Variants in GPC3 observed in about 807,000 individuals in gnomAD.
GPC3 encodes glypican 3.
A neutral mutation model predicts 34.4 loss-of-function variants in GPC3; 3 were observed. That is an observed-to-expected ratio of 0.09 (90% CI 0.04 to 0.23). GPC3 has a LOEUF of 0.23. Ranked by LOEUF, GPC3 falls within the 10% of genes least tolerant of loss-of-function variation. GPC3 has a pLI of 1.00. For synonymous variants in GPC3, 177 were observed against 174.0 expected (o/e 1.02, Z -0.13); for missense variants, 351 against 445.6 (o/e 0.79, Z 1.91).
At chrX:133,558,611 G>A (rs763320079) in intron 7 of GPC3, among the ~76,000 whole-genome samples, 2 of 110,982 alleles carry the variant, frequency 1.8e-5, no homozygotes, top group East Asian at 2.8e-4. Flanking sequence ...ATGTGTCATC[G>A]GCCAGGTGCG....
rs146643779 is a variant in GPC3 at position 133,775,403 on chromosome X, G to A, written c.338-21227C>T. Among the ~76,000 whole-genome samples, 534 of 111,041 alleles carry A rather than the reference G, an allele frequency of 4.8e-3. 3 individuals carry two copies. The highest frequency in any genetic ancestry group is 0.016 in the African/African-American group (502 of 30,573). ...GTGATTTCATTTTCCTTATTTTCAG[G>A]GTCTTGGGGAGGCCCCTGTAAGTTG... On this transcript the variant is annotated intron_variant, in intron 2 of 7. Transcript: ENST00000370818.
intron 2 of GPC3, among the ~76,000 whole-genome samples, chrX:133,863,688 G>A (rs1163049961): frequency 6.4e-5 from 5 of 78,576 alleles, no homozygotes; most frequent in African/African-American, 1.9e-4. Flanking sequence ...TCGCTCTGTC[G>A]CCCAGGTCGG....
chrX:133,979,448 CTAA>C (rs2076529236), intron 1 of GPC3, among the ~76,000 whole-genome samples: 1 of 111,783 alleles, frequency 8.9e-6, no homozygotes, highest in African/African-American at 3.3e-5. Flanking sequence ...ACAAGTATTT[CTAA>C]TAATTAACAC....
intron 3 of GPC3, among the ~76,000 whole-genome samples, chrX:133,733,417 A>T (rs2071480855): frequency 9.0e-6 from 1 of 111,211 alleles, no homozygotes; most frequent in African/African-American, 3.3e-5. Context: ...GTAACAAAAA[A>T]CTACTTGTAC....
chrX:133,621,546 G>C (rs902768400), intron 6 of GPC3, among the ~76,000 whole-genome samples: 2 of 112,191 alleles, frequency 1.8e-5, no homozygotes, highest in Non-Finnish European at 3.8e-5. Flanking sequence ...ACGGAGCCTT[G>C]CTCACTGCTA....
rs184689740 is a variant in GPC3 at position 133,808,121 on chromosome X, T to A, written c.338-53945A>T. Among the ~76,000 whole-genome samples, 768 of 112,422 alleles carry A rather than the reference T, an allele frequency of 6.8e-3. 5 individuals carry two copies. The highest frequency in any genetic ancestry group is 1.0e-2 in the Non-Finnish European group (532 of 53,261). The stretch of plus-strand genomic sequence containing the variant: ...CAAAGGCTAAGGCACTACAGTGACA[T>A]CACCATGACTTGGGTACACTATTAC... On this transcript the variant is annotated intron_variant, in intron 2 of 7. Coordinates refer to ENST00000370818, the MANE Select transcript of GPC3 (RefSeq NM_004484.4).
intron 3 of GPC3, among the ~76,000 whole-genome samples, chrX:133,726,658 T>A (rs1261841986): frequency 1.8e-5 from 2 of 111,439 alleles, no homozygotes; most frequent in African/African-American, 6.5e-5. Context: ...TGTGCTCAAA[T>A]ATTCCTTCTC....
intron 2 of GPC3, among the ~76,000 whole-genome samples, chrX:133,761,327 C>T (rs1051599930): frequency 3.6e-5 from 4 of 112,246 alleles, no homozygotes; most frequent in African/African-American, 1.3e-4. Flanking sequence ...AGTGTTGCTC[C>T]AATTTCTGTC....
At chrX:133,770,558 A>G (rs985188997) in intron 2 of GPC3, among the ~76,000 whole-genome samples, 4 of 111,442 alleles carry the variant, frequency 3.6e-5, no homozygotes, top group Admixed American at 1.9e-4. Flanking sequence ...GTTCATATGC[A>G]ATATTAGAAT....
At chrX:133,788,974 C>A (rs781566082) in intron 2 of GPC3, among the ~76,000 whole-genome samples, 28 of 110,644 alleles carry the variant, frequency 2.5e-4, no homozygotes, top group Non-Finnish European at 4.3e-4. Flanking sequence ...CCAAGGAAGG[C>A]TGACAGACCA....
intron 6 of GPC3, 36 bp from the exon 7 acceptor site, chrX:133,596,635 A>T (rs2069920223): frequency 8.5e-7 from 1 of 1,179,403 alleles, no homozygotes; most frequent in African/African-American, 1.8e-5. Flanking sequence ...TCAGCTCTTC[A>T]TATTTCTCAG....
chrX:133,918,773 T>G (rs981660679), intron 2 of GPC3, among the ~76,000 whole-genome samples: 9 of 112,002 alleles, frequency 8.0e-5, no homozygotes, highest in Non-Finnish European at 1.5e-4. Flanking sequence ...ATATATAATT[T>G]GACTCTTTTA....
intron 3 of GPC3, among the ~76,000 whole-genome samples, chrX:133,715,922 GGTCTTCAA>G (rs913581623): frequency 1.8e-5 from 2 of 111,000 alleles, no homozygotes; most frequent in Admixed American, 9.7e-5. Context: ...GCTAAGGCAG[GGTCTTCAA>G]CTGCTAGGCT....
intron 2 of GPC3, among the ~76,000 whole-genome samples, chrX:133,873,358 T>A (rs1257173367): frequency 2.7e-5 from 3 of 112,202 alleles, no homozygotes; most frequent in African/African-American, 9.7e-5. Context: ...GGCCAGCCAA[T>A]GAAAAATGCA....
intron 2 of GPC3, among the ~76,000 whole-genome samples, chrX:133,913,583 C>T (rs147358299): frequency 8.9e-6 from 1 of 111,787 alleles, no homozygotes; most frequent in Admixed American, 9.5e-5. Flanking sequence ...AAGACTTAAA[C>T]GTGGGATTTT....
At chrX:133,783,172 TC>T (rs2072067043) in intron 2 of GPC3, among the ~76,000 whole-genome samples, 1 of 110,888 alleles carries the variant, frequency 9.0e-6, no homozygotes, top group South Asian at 3.9e-4. Context: ...AAGTACTACC[TC>T]CCCATCCCTG....
intron 2 of GPC3, among the ~76,000 whole-genome samples, chrX:133,815,540 G>A (rs2075687208): frequency 9.1e-6 from 1 of 109,967 alleles, no homozygotes; most frequent in Non-Finnish European, 1.9e-5. Context: ...CTTCACATGT[G>A]GCCAACCACA....
intron 1 of GPC3, among the ~76,000 whole-genome samples, chrX:133,965,529 G>T (rs1363365038): frequency 9.0e-6 from 1 of 111,425 alleles, no homozygotes; most frequent in Non-Finnish European, 1.9e-5. Flanking sequence ...ACCAGAAGCC[G>T]GAAGAGGCGA....
chrX:133,622,661 A>G (rs1414021932), intron 6 of GPC3, among the ~76,000 whole-genome samples: 1 of 111,973 alleles, frequency 8.9e-6, no homozygotes, highest in Admixed American at 9.5e-5. Flanking sequence ...GAAATATGGG[A>G]CTATGTGAAA....
Sources: allele counts gnomAD v4.1 joint callset (sites outside exome capture counted in the v4.1 genomes callset), GRCh38; gene constraint gnomAD v4.1.1; transcripts MANE v1.5; gene names NCBI Gene and HGNC (gene_info 2026-07-23, HGNC 2026-07-21).